Variants in GNB1 observed in about 807,000 individuals in gnomAD.
GNB1 encodes the protein G protein subunit beta 1.
In GNB1, 2 loss-of-function variants were observed where a neutral mutation model predicts 42.9. That is an observed-to-expected ratio of 0.05 (90% CI 0.02 to 0.15). The LOEUF (loss-of-function observed/expected upper bound fraction) is 0.15. GNB1 is among the 10% of genes least tolerant of loss of function. GNB1 has a pLI of 1.00. For missense variants in GNB1, 193 were observed against 462.2 expected, an observed-to-expected ratio of 0.42 and a Z score of 5.34; for synonymous variants, 183 against 174.7, an observed-to-expected ratio of 1.05 and a Z score of -0.38.
chr1:1,819,121 C>T (rs567120549), intron 3 of GNB1, among the ~76,000 whole-genome samples: 3 of 151,580 alleles, frequency 2.0e-5, no homozygotes, highest in Non-Finnish European at 2.9e-5. Context: ...CAAAAGAGAA[C>T]GTACGTTTAG....
At chr1:1,808,306 A>G (rs1016426816) in intron 5 of GNB1, among the ~76,000 whole-genome samples, 2 of 152,074 alleles carry the variant, frequency 1.3e-5, no homozygotes, top group South Asian at 2.1e-4. Flanking sequence ...GCGCCCGACC[A>G]TGAATTTTTT....
At chr1:1,811,084 T>TAGA (rs1557895027) in intron 5 of GNB1, among the ~76,000 whole-genome samples, 1 of 143,872 alleles carries the variant, frequency 7.0e-6, no homozygotes, top group Non-Finnish European at 1.5e-5. Flanking sequence ...TATATATATT[T>TAGA]TTTTTTTTTT....
chr1:1,818,741 T>A (rs192169725), intron 3 of GNB1, among the ~76,000 whole-genome samples: 1 of 152,036 alleles, frequency 6.6e-6, no homozygotes, highest in African/African-American at 2.4e-5. Context: ...CGCACGCCTG[T>A]AATCCCAGCT....
intron 2 of GNB1, among the ~76,000 whole-genome samples, chr1:1,825,923 T>C (rs1363737955): frequency 6.6e-6 from 1 of 152,124 alleles, no homozygotes; most frequent in African/African-American, 2.4e-5. Context: ...AGAGAACTTT[T>C]CTTCAGCATT....
At chr1:1,888,095 C>T (rs1483526844) in intron 1 of GNB1, among the ~76,000 whole-genome samples, 1 of 152,180 alleles carries the variant, frequency 6.6e-6, no homozygotes, top group Non-Finnish European at 1.5e-5. Context: ...CTGAAGAGCA[C>T]TGTCAGTACT....
chr1:1,810,619 T>C (rs930297270), intron 5 of GNB1, among the ~76,000 whole-genome samples: 3 of 151,536 alleles, frequency 2.0e-5, no homozygotes, highest in Non-Finnish European at 2.9e-5. Context: ...GATACATTAA[T>C]ACATACATAC....
At chr1:1,815,358 G>C (rs761246599) in intron 5 of GNB1, among the ~76,000 whole-genome samples, 1 of 152,178 alleles carries the variant, frequency 6.6e-6, no homozygotes, top group Non-Finnish European at 1.5e-5. Flanking sequence ...CCTGAGCCAG[G>C]GCACTGACAT....
rs574152702 is a variant in GNB1, at chr1:1,854,841, T to C, written c.-95-15603A>G. The stretch of plus-strand genomic sequence containing the variant: ...TGAAGCCAGGAGTTCAAGATCAGCC[T>C]GGCCAACATGGTGAAACCCCATCTC... On this transcript the variant is annotated intron_variant, in intron 1 of 11. Transcript: ENST00000378609. Among the ~76,000 whole-genome samples the C allele has an allele frequency of 4.5e-4, 69 of 152,322 alleles. 1 individual carries two copies. Among genetic ancestry groups the C allele is most frequent in the Middle Eastern group, 3.4e-3 (1 of 294 alleles).
At chr1:1,826,012 T>C (rs1646993396) in intron 2 of GNB1, among the ~76,000 whole-genome samples, 2 of 152,212 alleles carry the variant, frequency 1.3e-5, no homozygotes, top group African/African-American at 2.4e-5. Flanking sequence ...TTGCATAATA[T>C]TACAATGTCT....
chr1:1,867,073 C>T (rs1332130924), intron 1 of GNB1, among the ~76,000 whole-genome samples: 2 of 152,224 alleles, frequency 1.3e-5, no homozygotes, highest in East Asian at 3.9e-4. Context: ...TCGAGACCAG[C>T]CTGGCCAACA....
intron 1 of GNB1, among the ~76,000 whole-genome samples, chr1:1,883,472 C>T (rs1294923541): frequency 6.6e-6 from 1 of 151,628 alleles, no homozygotes; most frequent in Admixed American, 6.6e-5. Context: ...AAACTGTCAT[C>T]TTATAACATT....
intron 1 of GNB1, among the ~76,000 whole-genome samples, chr1:1,882,230 G>A (rs566452560): frequency 3.0e-4 from 46 of 151,764 alleles, no homozygotes; most frequent in Non-Finnish European, 5.2e-4. Context: ...GTTCAAGAGC[G>A]GCATGGGCAA....
intron 1 of GNB1, among the ~76,000 whole-genome samples, chr1:1,888,267 G>A (rs929186806): frequency 1.3e-5 from 2 of 151,248 alleles, no homozygotes; most frequent in Admixed American, 6.6e-5. Context: ...TCCCGCAGAA[G>A]ATAAAATGTC....
At chr1:1,819,600 G>A (rs1034560345) in intron 3 of GNB1, among the ~76,000 whole-genome samples, 2 of 151,742 alleles carry the variant, frequency 1.3e-5, no homozygotes, top group Non-Finnish European at 2.9e-5. Context: ...GTGCAGTGAT[G>A]TCATCACAGC....
chr1:1,819,257 T>C (rs969362805), intron 3 of GNB1, among the ~76,000 whole-genome samples: 12 of 152,156 alleles, frequency 7.9e-5, no homozygotes, highest in Non-Finnish European at 7.4e-5. Flanking sequence ...TCTCGCTCTG[T>C]CTTGCCCAGG....
chr1:1,795,852 A>C (rs975778949), intron 7 of GNB1, among the ~76,000 whole-genome samples: 1 of 152,148 alleles, frequency 6.6e-6, no homozygotes, highest in African/African-American at 2.4e-5. Flanking sequence ...TCAGCTTCTT[A>C]CTCCAAGAAC....
At chr1:1,864,253 T>C (rs1019289348) in intron 1 of GNB1, among the ~76,000 whole-genome samples, 18 of 132,120 alleles carry the variant, frequency 1.4e-4, no homozygotes, top group African/African-American at 4.8e-4. Context: ...GAGGCGGAGG[T>C]TGCAGTGTGC....
intron 5 of GNB1, among the ~76,000 whole-genome samples, chr1:1,807,240 T>A (rs1646707921): frequency 6.6e-6 from 1 of 151,824 alleles, no homozygotes; most frequent in South Asian, 2.1e-4. Context: ...GGTAGGTGGA[T>A]CACAGGAGTT....
chr1:1,887,638 ACT>A (rs1650229397), intron 1 of GNB1, among the ~76,000 whole-genome samples: 1 of 152,146 alleles, frequency 6.6e-6, no homozygotes, highest in Non-Finnish European at 1.5e-5. Context: ...AGAGGTTTTT[ACT>A]CTTTTGAGAC....
Sources: allele counts gnomAD v4.1 joint callset (sites outside exome capture counted in the v4.1 genomes callset), GRCh38; gene constraint gnomAD v4.1.1; transcripts MANE v1.5; gene names NCBI Gene and HGNC (gene_info 2026-07-23, HGNC 2026-07-21).